Variants in SRGAP3 observed in about 807,000 individuals in gnomAD.
The protein encoded by SRGAP3 is SLIT-ROBO Rho GTPase activating protein 3.
In SRGAP3, 39 loss-of-function variants were observed where a neutral mutation model predicts 121.1. The ratio of observed to expected loss-of-function variants is 0.32; its 90% CI spans 0.25 to 0.42. The LOEUF is 0.42. SRGAP3 is among the 10% of genes least tolerant of loss of function. SRGAP3 has a pLI of 1.00. For missense variants in SRGAP3, 1,213 were observed against 1,470.6 expected (o/e 0.82, Z 2.86); for synonymous variants, 601 against 570.0 (o/e 1.05, Z -0.77).
intron 1 of SRGAP3, among the ~76,000 whole-genome samples, chr3:9,174,254 A>C (rs1035215879): frequency 6.6e-6 from 1 of 152,244 alleles, no homozygotes; most frequent in African/African-American, 2.4e-5. Context: ...AGAGTTCTGG[A>C]GACAGATGGT....
At chr3:9,097,710 A>C (rs917284130) in intron 3 of SRGAP3, among the ~76,000 whole-genome samples, 1 of 152,196 alleles carries the variant, frequency 6.6e-6, no homozygotes, top group Non-Finnish European at 1.5e-5. Context: ...GGACTCCCTC[A>C]GATGTCAGCT....
At chr3:9,070,737 TG>T (rs1946665452) in intron 4 of SRGAP3, among the ~76,000 whole-genome samples, 1 of 152,034 alleles carries the variant, frequency 6.6e-6, no homozygotes, top group African/African-American at 2.4e-5. Flanking sequence ...TGAGCATACT[TG>T]GAAGTAGGGA....
At chr3:9,119,263 G>C (rs571608615) in intron 2 of SRGAP3, among the ~76,000 whole-genome samples, 3 of 152,234 alleles carry the variant, frequency 2.0e-5, no homozygotes, top group Non-Finnish European at 4.4e-5. Flanking sequence ...GCATCTGATG[G>C]CTTCTCTCAT....
Position 9,149,405 on chromosome 3 carries a change from C to A in SRGAP3, c.68-24488G>T, listed in dbSNP as rs367898131. 9.2e-5 allele frequency among the ~76,000 whole-genome samples: 14 copies of A among 152,144 alleles called. No individual in the cohort carries two copies. In the East Asian group the frequency reaches 2.5e-3, roughly 27 times the overall value. ...TGAGGCAGGTTAATTGCATTAATAGCCCCACTTCTTCAGTCTCTCCTTGTA... is the reference window on the plus strand; with the variant it reads ...TGAGGCAGGTTAATTGCATTAATAGACCCACTTCTTCAGTCTCTCCTTGTA... On this transcript the variant is annotated intron_variant, in intron 1 of 21. Transcript: ENST00000383836.
At chr3:9,067,710 G>C (rs999992661) in intron 4 of SRGAP3, among the ~76,000 whole-genome samples, 1 of 152,204 alleles carries the variant, frequency 6.6e-6, no homozygotes, top group African/African-American at 2.4e-5. Flanking sequence ...TAATGCCTAG[G>C]TGATGGGCCT....
Position 8,985,255 on chromosome 3 carries a change from ATGTTAGGGAATGC to A in SRGAP3, c.*251_*263del. On this transcript the variant is annotated 3_prime_UTR_variant, in exon 22 of 22. Transcript: ENST00000383836. This position sits in a 1 kb window ranked among gnomAD's most constrained non-coding sequence, Gnocchi z 5.1. ...AGAAGCCATGTGGTATTTTGCCTCC[ATGTTAGGGAATGC>A]TGTGGTTGGGGCTGCTGGAGCTCCA... The A allele has an allele frequency of 1.6e-6, 1 of 623,904 alleles. No individual in the cohort carries two copies. The highest frequency in any genetic ancestry group is 3.2e-5 in the East Asian group (1 of 30,824). The allele number at this position is 623,904 out of a possible 1,614,324, so 38.6% of individuals were successfully genotyped here. A position where few individuals can be genotyped will look rare whatever the true frequency, so the allele number is the denominator to read the frequency against.
chr3:9,310,994 A>T (rs529826156), intron 3 of SRGAP3, among the ~76,000 whole-genome samples: 1 of 152,054 alleles, frequency 6.6e-6, no homozygotes, highest in Non-Finnish European at 1.5e-5. Flanking sequence ...ACATAGTGAA[A>T]CCCCATCTCT....
intron 3 of SRGAP3, among the ~76,000 whole-genome samples, chr3:9,094,703 A>T (rs1448051544): frequency 6.6e-6 from 1 of 152,108 alleles, no homozygotes; most frequent in Non-Finnish European, 1.5e-5. Context: ...CCTTTTCCTG[A>T]TTACCAGTAA....
chr3:9,206,796 C>T (rs1169841559), intron 1 of SRGAP3, among the ~76,000 whole-genome samples: 2 of 152,180 alleles, frequency 1.3e-5, no homozygotes, highest in East Asian at 1.9e-4. Context: ...ACCGCATCCC[C>T]CTAGTCTCTT....
At chr3:9,129,558 G>A (rs918582934) in intron 1 of SRGAP3, among the ~76,000 whole-genome samples, 4 of 151,648 alleles carry the variant, frequency 2.6e-5, no homozygotes, top group Non-Finnish European at 4.4e-5. Context: ...TGCCAGCCTG[G>A]TGACCCTCTT....
chr3:9,208,473 C>G (rs1243799505), intron 1 of SRGAP3, among the ~76,000 whole-genome samples: 1 of 152,224 alleles, frequency 6.6e-6, no homozygotes, highest in Non-Finnish European at 1.5e-5. Flanking sequence ...AACCCATCCA[C>G]TTTTCCTGCT....
intron 1 of SRGAP3, among the ~76,000 whole-genome samples, chr3:9,156,917 C>T (rs182717756): frequency 2.4e-4 from 37 of 152,282 alleles, no homozygotes; most frequent in African/African-American, 8.9e-4. Flanking sequence ...CCCTTCATTC[C>T]CAAATAAGTA....
chr3:9,085,033 ATGTCT>A (rs1947396882), intron 3 of SRGAP3, among the ~76,000 whole-genome samples: 1 of 152,256 alleles, frequency 6.6e-6, no homozygotes, highest in South Asian at 2.1e-4. Flanking sequence ...GCACCTTGTT[ATGTCT>A]TCTCTGCACT....
intron 1 of SRGAP3, among the ~76,000 whole-genome samples, chr3:9,169,841 TA>T (rs1411269453): frequency 1.3e-5 from 2 of 152,132 alleles, no homozygotes; most frequent in Non-Finnish European, 2.9e-5. Flanking sequence ...GAGGATGGGT[TA>T]GGGGGGAAAA....
intron 1 of SRGAP3, among the ~76,000 whole-genome samples, chr3:9,159,931 C>T (rs1288908703): frequency 6.6e-6 from 1 of 152,168 alleles, no homozygotes; most frequent in Non-Finnish European, 1.5e-5. Context: ...GTAAGGCCCA[C>T]CTGAGAAGGA....
chr3:9,194,590 T>A (rs1202453353), intron 1 of SRGAP3: 1 of 152,230 alleles, frequency 6.6e-6, no homozygotes, highest in East Asian at 1.9e-4. Context: ...TCTGAGGCTG[T>A]GCAGGGCTGA....
intron 1 of SRGAP3, among the ~76,000 whole-genome samples, chr3:9,361,195 C>T (rs1454147106): frequency 6.6e-6 from 1 of 152,156 alleles, no homozygotes; most frequent in Non-Finnish European, 1.5e-5. Flanking sequence ...CTCAACCTCC[C>T]CAGCTCAAGC....
intron 3 of SRGAP3, among the ~76,000 whole-genome samples, chr3:9,265,743 G>GAGA (rs1954348085): frequency 6.6e-6 from 1 of 152,082 alleles, no homozygotes; most frequent in Non-Finnish European, 1.5e-5. Context: ...AGAGGATGTG[G>GAGA]AGAAATAAGA....
chr3:9,157,134 T>G, intron 1 of SRGAP3, among the ~76,000 whole-genome samples: 1 of 152,042 alleles, frequency 6.6e-6, no homozygotes, highest in African/African-American at 2.4e-5. Flanking sequence ...ATAAAGAAAA[T>G]TTATAATTGA....
Sources: gnomAD v4.1 joint callset for allele counts (sites outside exome capture counted in the v4.1 genomes callset) on GRCh38, gnomAD v4.1.1 for gene constraint, Gnocchi (gnomAD v3.1) non-coding constraint, MANE v1.5 for transcripts, NCBI Gene and HGNC (gene_info 2026-07-23, HGNC 2026-07-21) for gene names.